XIRP2: variants seen among roughly 807,000 people sequenced by gnomAD.
XIRP2 encodes the protein xin actin-binding repeat-containing protein 2.
Under a neutral mutation model 277.0 loss-of-function variants are expected in XIRP2, and 236 were observed. That is an observed-to-expected ratio of 0.85 (90% CI 0.77 to 0.95). The LOEUF (loss-of-function observed/expected upper bound fraction) is 0.95. Among genes scored for constraint, XIRP2 ranks in the 40% least tolerant of loss-of-function variants. The probability of loss-of-function intolerance (pLI) is 0.00; values close to 1 mark genes in which losing one functional copy is unlikely to be tolerated. For missense variants in XIRP2, 4,640 were observed against 4,157.5 expected, an observed-to-expected ratio of 1.12 and a Z score of -3.19; for synonymous variants, 1,490 against 1,416.5, an observed-to-expected ratio of 1.05 and a Z score of -1.17.
rs149979958 is a variant in XIRP2, at chr2:166,978,435, G to T, written c.408+74545G>T. 6.1e-3 allele frequency among the ~76,000 whole-genome samples: 924 copies of T among 152,182 alleles called. 12 individuals are homozygous for T. The highest frequency in any genetic ancestry group is 0.021 in the African/African-American group (876 of 41,512). On this transcript the variant is annotated intron_variant, in intron 2 of 10. Coordinates refer to ENST00000409195, the MANE Select transcript of XIRP2 (RefSeq NM_152381.6). ...AGAGCTTGGGGAGACTGAGGCTAGG[G>T]TTGTGTAAAATTAATATATTAGTTT...
At chr2:167,161,624 G>A (rs958188054) in intron 3 of XIRP2, among the ~76,000 whole-genome samples, 1 of 152,198 alleles carries the variant, frequency 6.6e-6, no homozygotes, top group East Asian at 1.9e-4. Flanking sequence ...GCCACACACA[G>A]CAAGGGAACC....
chr2:167,259,371 A>G lies in XIRP2; in HGVS notation c.*1554A>G, dbSNP rs767072807. 20 of 1,591,206 alleles carry G rather than the reference A, an allele frequency of 1.3e-5. No individual in the cohort carries two copies. The highest frequency in any genetic ancestry group is 1.1e-4 in the African/African-American group (8 of 73,526). On this transcript the variant is annotated 3_prime_UTR_variant, in exon 11 of 11. Coordinates refer to ENST00000409195, the MANE Select transcript of XIRP2 (RefSeq NM_152381.6). Reference sequence around the variant, plus strand: ...TACAGTGACACTGAGTAAAATATCTATGGCCACTGACAGTCCACACTTAGG... The same window carrying G: ...TACAGTGACACTGAGTAAAATATCTGTGGCCACTGACAGTCCACACTTAGG...
intron 3 of XIRP2, among the ~76,000 whole-genome samples, chr2:167,189,305 G>C (rs1262400154): frequency 6.6e-6 from 1 of 152,036 alleles, no homozygotes; most frequent in African/African-American, 2.4e-5. Flanking sequence ...GGTATTAAAA[G>C]AGACCATTTT....
chr2:166,890,271 G>A (rs1221385239), intron 1 of XIRP2, among the ~76,000 whole-genome samples: 1 of 152,018 alleles, frequency 6.6e-6, no homozygotes, highest in African/African-American at 2.4e-5. Flanking sequence ...GGGATTACAG[G>A]CATGAGCCAC....
At chr2:167,152,589 A>G (rs1322502733) in intron 3 of XIRP2, among the ~76,000 whole-genome samples, 1 of 152,124 alleles carries the variant, frequency 6.6e-6, no homozygotes, top group East Asian at 1.9e-4. Context: ...AAAAATATTT[A>G]CTATCTCTTA....
intron 2 of XIRP2, among the ~76,000 whole-genome samples, chr2:166,938,977 T>C (rs1375917772): frequency 6.6e-6 from 1 of 152,324 alleles, no homozygotes; most frequent in Non-Finnish European, 1.5e-5. Context: ...ATTTTGAGCC[T>C]ATTGTGTCTC....
At position 167,259,299 on chromosome 2, in the gene XIRP2, A is replaced by G; in HGVS notation, c.*1482A>G. 1.2e-6 allele frequency: 2 copies of G among 1,613,180 alleles called. No individual in the cohort carries two copies. Among genetic ancestry groups the G allele is most frequent in the African/African-American group, 2.7e-5 (2 of 74,942 alleles). On this transcript the variant is annotated 3_prime_UTR_variant, in exon 11 of 11. Transcript: ENST00000409195. ...CCTTTGTTTCCCAGAGTGGAGGTGC[A>G]GTCAGAACAACTCACGGTGGAAGAG...
rs187158034 is a variant in XIRP2 at position 166,979,775 on chromosome 2, A to G, written c.408+75885A>G. Among the ~76,000 whole-genome samples the G allele has an allele frequency of 1.5e-3, 231 of 152,246 alleles. 1 individual carries two copies. The highest frequency in any genetic ancestry group is 5.2e-3 in the African/African-American group (216 of 41,568). On this transcript the variant is annotated intron_variant, in intron 2 of 10. Transcript: ENST00000409195. ...CATTTGCCTTCTTATACATTGATTA[A>G]TTTCGATTGCCAATATTGTAAGCAT...
In XIRP2 at chr2:167,244,826, C is replaced by T. The variant is rs755757901; in HGVS notation, c.3434C>T (p.Thr1145Ile). Residue 1145 changes from threonine to isoleucine, a missense_variant, in exon 9 of 11, where the codon ACA becomes ATA. By Grantham distance (89) the Thr-to-Ile change is moderately conservative. Coordinates refer to ENST00000409195, the MANE Select transcript of XIRP2 (RefSeq NM_152381.6). ...PLDTIKDDSE[T>I]AVKLQTVKQE... is the part of the protein sequence containing the mutation. The stretch of plus-strand genomic sequence containing the variant: ...GATACCATAAAAGATGACTCTGAAA[C>T]AGCAGTCAAATTGCAAACTGTAAAA... 1 of 1,613,630 alleles carries T rather than the reference C, an allele frequency of 6.2e-7. No individual in the cohort carries two copies. Among genetic ancestry groups the T allele is most frequent in the Non-Finnish European group, 8.5e-7 (1 of 1,179,730 alleles).
chr2:167,243,503 T>A lies in XIRP2; in HGVS notation c.2111T>A (p.Leu704His). The A allele has an allele frequency of 2.5e-6, 4 of 1,614,094 alleles. No homozygotes were observed. Among genetic ancestry groups the A allele is most frequent in the Non-Finnish European group, 3.4e-6 (4 of 1,179,970 alleles). Reference sequence around the variant, plus strand: ...TTTGAAACTCAACATCTAGATCAACTTGGACAGCTTCATTCAGTGGATGAG... The same window carrying A: ...TTTGAAACTCAACATCTAGATCAACATGGACAGCTTCATTCAGTGGATGAG... ...YMFETQHLDQ[L>H]GQLHSVDEVH... Residue 704 changes from leucine (L) to histidine (H), a missense_variant, in exon 9 of 11, where the codon CTT (leucine) becomes CAT (histidine). Coordinates refer to ENST00000409195, the MANE Select transcript of XIRP2 (RefSeq NM_152381.6).
At chr2:167,144,485 A>G (rs555936830) in intron 3 of XIRP2, among the ~76,000 whole-genome samples, 1 of 152,164 alleles carries the variant, frequency 6.6e-6, no homozygotes, top group East Asian at 1.9e-4. Flanking sequence ...TTTGAAGATC[A>G]TCTTTAAAAA....
intron 2 of XIRP2, among the ~76,000 whole-genome samples, chr2:166,910,012 G>C (rs1198318011): frequency 6.6e-6 from 1 of 152,164 alleles, no homozygotes; most frequent in East Asian, 1.9e-4. Flanking sequence ...GATTCGGTTT[G>C]CCAGTATTTT....
intron 7 of XIRP2, 122 bp from the exon 8 acceptor site, chr2:167,241,655 G>C: frequency 8.8e-7 from 1 of 1,130,626 alleles, no homozygotes; most frequent in Non-Finnish European, 1.2e-6. Context: ...AGTAATCTTC[G>C]CACCTCAGTC....
intron 2 of XIRP2, among the ~76,000 whole-genome samples, chr2:166,909,569 T>C (rs941887363): frequency 6.6e-6 from 1 of 152,130 alleles, no homozygotes; most frequent in Non-Finnish European, 1.5e-5. Context: ...CAAACAGGGA[T>C]AATTTGACTT....
chr2:167,186,029 T>C (rs961669467), intron 3 of XIRP2, among the ~76,000 whole-genome samples: 1 of 152,204 alleles, frequency 6.6e-6, no homozygotes, highest in Admixed American at 6.6e-5. Flanking sequence ...TGGAAATGTT[T>C]TATATCTGCA....
At chr2:167,158,317 A>C (rs1006693374) in intron 3 of XIRP2, among the ~76,000 whole-genome samples, 1 of 152,376 alleles carries the variant, frequency 6.6e-6, no homozygotes, top group East Asian at 1.9e-4. Context: ...AAAGATGTTC[A>C]GTGTATTTTT....
intron 2 of XIRP2, among the ~76,000 whole-genome samples, chr2:167,047,099 G>C (rs141513374): frequency 6.6e-6 from 1 of 151,884 alleles, no homozygotes; most frequent in East Asian, 1.9e-4. Flanking sequence ...TAGAGTTTTA[G>C]GTCAATGGTC....
intron 5 of XIRP2, among the ~76,000 whole-genome samples, chr2:167,218,530 C>T (rs889106616): frequency 5.9e-5 from 9 of 152,140 alleles, no homozygotes; most frequent in Non-Finnish European, 7.3e-5. Context: ...GACATTCTAC[C>T]TCTCATCTTC....
chr2:167,060,800 A>G (rs994700415), intron 2 of XIRP2, among the ~76,000 whole-genome samples: 10 of 152,128 alleles, frequency 6.6e-5, no homozygotes, highest in African/African-American at 2.2e-4. Context: ...CAGATAGGGT[A>G]AGTCATTCTT....
Sources: gnomAD v4.1 joint callset for allele counts (sites outside exome capture counted in the v4.1 genomes callset) on GRCh38, gnomAD v4.1.1 for gene constraint, MANE v1.5 for transcripts, NCBI Gene and HGNC (gene_info 2026-07-23, HGNC 2026-07-21) for gene names.